Variants in STK3 observed in about 807,000 individuals in gnomAD.
STK3 encodes the protein serine/threonine-protein kinase 3.
In STK3, 41 loss-of-function variants were observed where a neutral mutation model predicts 58.0. The ratio of observed to expected loss-of-function variants is 0.71; its 90% CI spans 0.55 to 0.92. The LOEUF (loss-of-function observed/expected upper bound fraction) is 0.92, where lower values mean the gene tolerates loss of function less well. STK3 is among the 40% of genes least tolerant of loss of function. The pLI, the probability that STK3 is intolerant of heterozygous loss-of-function variation, is 0.00. For missense variants in STK3, 479 were observed against 602.7 expected (o/e 0.79, Z 2.15); for synonymous variants, 170 against 191.0 (o/e 0.89, Z 0.91).
chr8:98,620,416 T>C (rs888129762), intron 6 of STK3, among the ~76,000 whole-genome samples: 1 of 143,364 alleles, frequency 7.0e-6, no homozygotes, highest in Non-Finnish European at 1.5e-5. Context: ...TGTATACATA[T>C]GTAACTAACC....
At chr8:98,476,691 T>C (rs1821339514) in intron 10 of STK3, among the ~76,000 whole-genome samples, 1 of 152,218 alleles carries the variant, frequency 6.6e-6, no homozygotes, top group East Asian at 1.9e-4. Flanking sequence ...ATATGAATAA[T>C]AGATTCTGGG....
chr8:98,830,179 G>T (rs150801337), upstream of STK3, among the ~76,000 whole-genome samples: 1 of 152,062 alleles, frequency 6.6e-6, no homozygotes, highest in Non-Finnish European at 1.5e-5. Context: ...AGTGAGCCAA[G>T]ATTGCGCCAC....
intron 8 of STK3, among the ~76,000 whole-genome samples, chr8:98,557,295 G>C (rs1179708464): frequency 6.6e-6 from 1 of 152,000 alleles, no homozygotes; most frequent in Non-Finnish European, 1.5e-5. Flanking sequence ...ACATTTGCTT[G>C]TATGTCTCGA....
At chr8:98,875,050 T>C (rs1305008388) in intron 3 of STK3, among the ~76,000 whole-genome samples, 1 of 152,210 alleles carries the variant, frequency 6.6e-6, no homozygotes, top group African/African-American at 2.4e-5. Context: ...GCACTACATA[T>C]TTTTCTGAAT....
At chr8:98,504,696 T>C (rs531303866) in intron 10 of STK3, among the ~76,000 whole-genome samples, 1 of 152,178 alleles carries the variant, frequency 6.6e-6, no homozygotes, top group South Asian at 2.1e-4. Flanking sequence ...ATTCATTTCT[T>C]TAAGAATGTT....
At chr8:98,934,809 G>A (rs752677152) in intron 1 of STK3, among the ~76,000 whole-genome samples, 32 of 152,028 alleles carry the variant, frequency 2.1e-4, no homozygotes, top group Non-Finnish European at 3.8e-4. Flanking sequence ...CCAGCTACTC[G>A]GGAGGCTGAG....
chr8:98,670,186 T>C (rs1216867848), intron 6 of STK3, among the ~76,000 whole-genome samples: 1 of 152,046 alleles, frequency 6.6e-6, no homozygotes. Flanking sequence ...CTGGGCAACA[T>C]GGTGAAACCC....
chr8:98,900,928 C>A (rs1016590402), intron 1 of STK3, among the ~76,000 whole-genome samples: 2 of 152,134 alleles, frequency 1.3e-5, no homozygotes, highest in African/African-American at 4.8e-5. Flanking sequence ...TCCTAAAGTG[C>A]TGGGATAACA....
intron 1 of STK3, among the ~76,000 whole-genome samples, chr8:98,441,317 C>T (rs1276609793): frequency 1.3e-5 from 2 of 152,212 alleles, no homozygotes; most frequent in African/African-American, 4.8e-5. Flanking sequence ...GTTCTGGAAA[C>T]TTCTCAATAT....
At chr8:98,509,811 T>C (rs1035813627) in intron 10 of STK3, among the ~76,000 whole-genome samples, 3 of 152,024 alleles carry the variant, frequency 2.0e-5, no homozygotes, top group African/African-American at 7.2e-5. Flanking sequence ...AAAAATTCTA[T>C]TTTTCTACTC....
At chr8:98,493,216 G>A (rs2131329623) in intron 10 of STK3, among the ~76,000 whole-genome samples, 1 of 118,900 alleles carries the variant, frequency 8.4e-6, no homozygotes, top group East Asian at 2.3e-4. Flanking sequence ...CTGGGCAATA[G>A]AGCAAGACCC....
intron 7 of STK3, among the ~76,000 whole-genome samples, chr8:98,581,770 A>G (rs905230511): frequency 3.4e-4 from 51 of 151,830 alleles, no homozygotes; most frequent in African/African-American, 1.2e-3. Context: ...GGGAACTCAC[A>G]GCTATGTCTT....
chr8:98,585,414 G>A (rs1454429066), intron 7 of STK3, among the ~76,000 whole-genome samples: 5 of 151,730 alleles, frequency 3.3e-5, no homozygotes, highest in African/African-American at 7.3e-5. Flanking sequence ...GTAGATATGC[G>A]GCATTATTTC....
At chr8:98,559,270 T>C (rs1264815960) in intron 8 of STK3, among the ~76,000 whole-genome samples, 1 of 152,198 alleles carries the variant, frequency 6.6e-6, no homozygotes, top group Non-Finnish European at 1.5e-5. Context: ...ATTTATGTAA[T>C]AAATGTTTGC....
chr8:98,825,347 C>T (rs1308562264), intron 1 of STK3, among the ~76,000 whole-genome samples, 168 bp downstream of exon 1: 1 of 152,090 alleles, frequency 6.6e-6, no homozygotes, highest in East Asian at 1.9e-4. Flanking sequence ...GGTCCCCTCG[C>T]CCGTGGACAG....
intron 3 of STK3, among the ~76,000 whole-genome samples, chr8:98,858,327 G>GT (rs2131845290): frequency 1.2e-5 from 1 of 85,928 alleles, no homozygotes; most frequent in East Asian, 4.1e-4. Context: ...TATATATAGA[G>GT]AGAGAGAGAG....
chr8:98,818,923 C>G (rs781255030), intron 1 of STK3, among the ~76,000 whole-genome samples: 2 of 152,106 alleles, frequency 1.3e-5, no homozygotes, highest in Non-Finnish European at 2.9e-5. Context: ...CAAGTTCACA[C>G]GATTCTCCTG....
intron 1 of STK3, among the ~76,000 whole-genome samples, chr8:98,913,371 A>G (rs997240906): frequency 2.0e-5 from 3 of 152,240 alleles, no homozygotes; most frequent in African/African-American, 7.2e-5. Flanking sequence ...AAACTTCTAT[A>G]AAAGAGGGTA....
chr8:98,499,966 G>A (rs1431515733), intron 10 of STK3, among the ~76,000 whole-genome samples: 1 of 152,104 alleles, frequency 6.6e-6, no homozygotes, highest in African/African-American at 2.4e-5. Context: ...GCAGACTGTG[G>A]TAAGCTCCTC....
Sources: gnomAD v4.1 joint callset for allele counts (sites outside exome capture counted in the v4.1 genomes callset) on GRCh38, gnomAD v4.1.1 for gene constraint, MANE v1.5 for transcripts, NCBI Gene and HGNC (gene_info 2026-07-23, HGNC 2026-07-21) for gene names.